The following RBFOX1 variants were observed in gnomAD, a reference collection of about 807,000 sequenced individuals.
RBFOX1 encodes the protein RNA binding protein fox-1 homolog 1.
A neutral mutation model predicts 57.7 loss-of-function variants in RBFOX1; 8 were observed. The ratio of observed to expected loss-of-function variants is 0.14; its 90% CI spans 0.08 to 0.25. The LOEUF is 0.25. Among genes scored for constraint, RBFOX1 ranks in the 10% least tolerant of loss-of-function variants. The probability of loss-of-function intolerance (pLI) is 1.00; values close to 1 mark genes in which losing one functional copy is unlikely to be tolerated. For missense variants in RBFOX1, 611 were observed against 548.5 expected (o/e 1.11, Z -1.14); for synonymous variants, 326 against 222.4 (o/e 1.47, Z -4.15).
chr16:6,856,119 TCCTTCCCTTCCCTTTA>T (rs1271296724), intron 3 of RBFOX1, among the ~76,000 whole-genome samples: 5 of 151,750 alleles, frequency 3.3e-5, no homozygotes, highest in African/African-American at 4.8e-5. Flanking sequence ...TTCTTCCCTT[TCCTTCCCTTCCCTTTA>T]CCTTCCCTTC....
chr16:7,070,786 C>T (rs2057171661), intron 4 of RBFOX1, among the ~76,000 whole-genome samples: 1 of 152,172 alleles, frequency 6.6e-6, no homozygotes, highest in African/African-American at 2.4e-5. Flanking sequence ...TAGCCATCCC[C>T]CTTCCCCTTA....
At chr16:6,052,089 A>C (rs1018987191) in intron 1 of RBFOX1, among the ~76,000 whole-genome samples, 1 of 152,088 alleles carries the variant, frequency 6.6e-6, no homozygotes, top group Non-Finnish European at 1.5e-5. Context: ...AATAAAACCA[A>C]AACTGGTCCT....
intron 4 of RBFOX1, among the ~76,000 whole-genome samples, chr16:5,984,976 A>ATATATATATATATATTTT (rs1359064334): frequency 3.6e-5 from 2 of 55,714 alleles, no homozygotes; most frequent in African/African-American, 1.7e-4. Context: ...ATATATATAT[A>ATATATATATATATATTTT]TTTTTTTTTT....
At chr16:5,919,120 G>T (rs1288008167) in intron 4 of RBFOX1, among the ~76,000 whole-genome samples, 1 of 152,160 alleles carries the variant, frequency 6.6e-6, no homozygotes, top group Non-Finnish European at 1.5e-5. Flanking sequence ...TGGAAAATTG[G>T]TTGTGGTGTT....
intron 4 of RBFOX1, among the ~76,000 whole-genome samples, chr16:5,924,345 A>G (rs1371284947): frequency 6.6e-6 from 1 of 152,134 alleles, no homozygotes; most frequent in Non-Finnish European, 1.5e-5. Flanking sequence ...TTAAAATTTG[A>G]TTGCTAATGT....
intron 3 of RBFOX1, among the ~76,000 whole-genome samples, chr16:5,701,076 C>G (rs1041340011): frequency 1.3e-5 from 2 of 151,832 alleles, no homozygotes; most frequent in Admixed American, 6.6e-5. Flanking sequence ...GCCTCTCATC[C>G]CCATTTCTTC....
At chr16:6,155,776 G>C (rs2096834204) in intron 1 of RBFOX1, among the ~76,000 whole-genome samples, 2 of 152,170 alleles carry the variant, frequency 1.3e-5, no homozygotes, top group Admixed American at 6.5e-5. Flanking sequence ...GTGGGACTCT[G>C]CTGTGGCAAT....
At chr16:5,801,756 GTTGT>G (rs1036344773) in intron 3 of RBFOX1, among the ~76,000 whole-genome samples, 14 of 125,160 alleles carry the variant, frequency 1.1e-4, no homozygotes, top group African/African-American at 2.6e-4. Context: ...GGTTTTTTGT[GTTGT>G]TTGTTTGTTT....
intron 14 of RBFOX1, among the ~76,000 whole-genome samples, chr16:7,680,764 A>G (rs2074521682): frequency 6.6e-6 from 1 of 152,174 alleles, no homozygotes; most frequent in Non-Finnish European, 1.5e-5. Context: ...AGAAATTGCT[A>G]CTTTTGTGTG....
At chr16:5,501,954 C>T (rs948066385) in intron 2 of RBFOX1, among the ~76,000 whole-genome samples, 2 of 151,978 alleles carry the variant, frequency 1.3e-5, no homozygotes, top group Non-Finnish European at 2.9e-5. Flanking sequence ...AACTCCTGGC[C>T]TCAAGTGATC....
chr16:6,528,978 A>G (rs536385097), intron 2 of RBFOX1, among the ~76,000 whole-genome samples: 2 of 152,308 alleles, frequency 1.3e-5, no homozygotes, highest in African/African-American at 2.4e-5. Context: ...CTATTTCTCT[A>G]CATGAAGAAC....
intron 1 of RBFOX1, among the ~76,000 whole-genome samples, chr16:6,035,102 G>C (rs978555573): frequency 2.0e-5 from 3 of 152,178 alleles, no homozygotes; most frequent in African/African-American, 7.2e-5. Context: ...GCCTCTACCT[G>C]CTAGATGTTA....
At chr16:5,951,547 G>C (rs934540778) in intron 4 of RBFOX1, among the ~76,000 whole-genome samples, 1 of 152,082 alleles carries the variant, frequency 6.6e-6, no homozygotes. Context: ...GCTGCTGGTT[G>C]ATGGAGTGTA....
intron 4 of RBFOX1, among the ~76,000 whole-genome samples, chr16:7,315,600 A>AT (rs2096419502): frequency 6.6e-6 from 1 of 151,954 alleles, no homozygotes; most frequent in African/African-American, 2.4e-5. Context: ...GCAAATATTC[A>AT]TTGTGGAAGA....
intron 3 of RBFOX1, among the ~76,000 whole-genome samples, chr16:6,826,303 A>G (rs2092128202): frequency 6.6e-6 from 1 of 152,172 alleles, no homozygotes; most frequent in South Asian, 2.1e-4. Context: ...GTTTGAGTCC[A>G]GGAGTTCAAG....
At chr16:7,246,808 GCTGA>G (rs774064897) in intron 4 of RBFOX1, among the ~76,000 whole-genome samples, 130 of 152,076 alleles carry the variant, frequency 8.5e-4, no homozygotes, top group African/African-American at 2.0e-3. Context: ...TCAACGACTG[GCTGA>G]CTGACTGATC....
At chr16:5,332,698 A>G (rs529283615) in intron 1 of RBFOX1, among the ~76,000 whole-genome samples, 104 of 151,784 alleles carry the variant, frequency 6.9e-4, no homozygotes, top group Non-Finnish European at 1.3e-3. Flanking sequence ...TCACTCCCTT[A>G]TATCATTTGA....
upstream of RBFOX1, among the ~76,000 whole-genome samples, chr16:6,016,348 A>G (rs1237270621): frequency 6.6e-6 from 1 of 152,186 alleles, no homozygotes; most frequent in African/African-American, 2.4e-5. Context: ...CTATCCAGGA[A>G]AAGAGAGTAT....
At chr16:5,843,661 C>G (rs1021150183) in intron 3 of RBFOX1, among the ~76,000 whole-genome samples, 2 of 152,164 alleles carry the variant, frequency 1.3e-5, no homozygotes, top group Non-Finnish European at 2.9e-5. Context: ...TATACCCAAG[C>G]CATTCCTTGA....
Sources: gnomAD v4.1 joint callset for allele counts (sites outside exome capture counted in the v4.1 genomes callset) on GRCh38, gnomAD v4.1.1 for gene constraint, MANE v1.5 for transcripts, NCBI Gene and HGNC (gene_info 2026-07-23, HGNC 2026-07-21) for gene names.